GPR149: variants seen among roughly 807,000 people sequenced by gnomAD.
The protein encoded by GPR149 is G protein-coupled receptor 149.
GPR149 carries 50 observed loss-of-function variants against 50.2 expected under a neutral mutation model. The ratio of observed to expected loss-of-function variants is 1.00; its 90% confidence interval spans 0.79 to 1.26. The LOEUF (loss-of-function observed/expected upper bound fraction) is 1.26, where lower values mean the gene tolerates loss of function less well. Among genes scored for constraint, GPR149 ranks in the 50% most tolerant of loss-of-function variants. GPR149 has a pLI of 0.00. For missense variants in GPR149, 983 were observed against 895.4 expected (o/e 1.10, Z -1.25); for synonymous variants, 405 against 358.2 (o/e 1.13, Z -1.48).
chr3:154,350,055 G>A (rs1467058344), intron 3 of GPR149, among the ~76,000 whole-genome samples: 2 of 152,078 alleles, frequency 1.3e-5, no homozygotes, highest in African/African-American at 4.8e-5. Flanking sequence ...AATTTAGCTA[G>A]GCATGGTGGT....
At chr3:154,394,502 T>C (rs1715245598) in intron 3 of GPR149, among the ~76,000 whole-genome samples, 1 of 151,988 alleles carries the variant, frequency 6.6e-6, no homozygotes, top group Admixed American at 6.6e-5. Flanking sequence ...ATGGATGTAA[T>C]GCCAAAAGCA....
intron 3 of GPR149, 136 bp from the exon 4 acceptor site, chr3:154,338,407 G>A (rs1057374790): frequency 2.1e-5 from 15 of 714,740 alleles, no homozygotes; most frequent in Middle Eastern, 2.8e-4. Flanking sequence ...TTACAGATAC[G>A]GGATTTAAAT....
chr3:154,338,586 A>T (rs1353658222), intron 3 of GPR149, among the ~76,000 whole-genome samples: 2 of 152,226 alleles, frequency 1.3e-5, no homozygotes, highest in Admixed American at 1.3e-4. Context: ...TTTGAACATA[A>T]AATTGAATGC....
At chr3:154,383,677 C>A (rs1714981420) in intron 3 of GPR149, among the ~76,000 whole-genome samples, 1 of 152,054 alleles carries the variant, frequency 6.6e-6, no homozygotes, top group Non-Finnish European at 1.5e-5. Context: ...GTACTATAGT[C>A]ATTCCTTGAT....
At chr3:154,353,400 T>C in intron 3 of GPR149, 1 of 1,223,952 alleles carries the variant, frequency 8.2e-7, no homozygotes, top group Non-Finnish European at 1.2e-6. Flanking sequence ...TTCAGTTTTG[T>C]AGGATTTGTG....
At chr3:154,417,905 A>G (rs970885406) in intron 3 of GPR149, among the ~76,000 whole-genome samples, 1 of 152,154 alleles carries the variant, frequency 6.6e-6, no homozygotes, top group Non-Finnish European at 1.5e-5. Flanking sequence ...TTAAATTACA[A>G]TGTGAACATT....
intron 1 of GPR149, 58 bp from the exon 2 acceptor site, chr3:154,427,766 C>A: frequency 6.7e-7 from 1 of 1,483,138 alleles, no homozygotes; most frequent in Non-Finnish European, 9.1e-7. Context: ...ACTTCTCAAG[C>A]CTTTTCTCCA....
intron 3 of GPR149, among the ~76,000 whole-genome samples, chr3:154,341,325 A>ATC: frequency 1.1e-5 from 1 of 94,130 alleles, no homozygotes; most frequent in African/African-American, 3.7e-5. Context: ...ATATATATAT[A>ATC]TATATATATA....
In GPR149 at chr3:154,357,186, A is replaced by G. The variant is rs772736333; in HGVS notation, c.1624-18915T>C. Among the ~76,000 whole-genome samples, 594 of 152,256 alleles carry G rather than the reference A, an allele frequency of 3.9e-3. 2 individuals carry two copies. The highest frequency in any genetic ancestry group is 0.017 in the Middle Eastern group (5 of 292). On this transcript the variant is annotated intron_variant, in intron 3 of 3. Coordinates refer to ENST00000389740, the MANE Select transcript of GPR149 (RefSeq NM_001038705.3). ...CACCTTATACAAAAATTAATTCAAG[A>G]TGGATTAAAGACTTAAATGTTAGAC...
intron 3 of GPR149, among the ~76,000 whole-genome samples, chr3:154,414,002 C>T (rs111639716): frequency 6.6e-6 from 1 of 151,484 alleles, no homozygotes; most frequent in Non-Finnish European, 1.5e-5. Flanking sequence ...AAAATAATGG[C>T]ATTCACAGCA....
intron 1 of GPR149, 112 bp downstream of exon 1, chr3:154,428,523 G>A (rs980536641): frequency 1.6e-5 from 19 of 1,182,562 alleles, no homozygotes; most frequent in African/African-American, 1.4e-4. Flanking sequence ...ACTTGGAAGC[G>A]GACTTCACTG....
chr3:154,386,055 T>C (rs1715038929), intron 3 of GPR149, among the ~76,000 whole-genome samples: 1 of 152,190 alleles, frequency 6.6e-6, no homozygotes, highest in South Asian at 2.1e-4. Context: ...GTGACAAATA[T>C]TAGTTGAATG....
At chr3:154,346,260 A>T (rs1226883628) in intron 3 of GPR149, among the ~76,000 whole-genome samples, 1 of 152,232 alleles carries the variant, frequency 6.6e-6, no homozygotes, top group Non-Finnish European at 1.5e-5. Flanking sequence ...AATAGCACTA[A>T]GAACAAGAAC....
In GPR149 at chr3:154,336,427, T is replaced by C. The variant is rs1002056800; in HGVS notation, c.*1272A>G. On this transcript the variant is annotated 3_prime_UTR_variant, in exon 4 of 4. Coordinates refer to ENST00000389740, the MANE Select transcript of GPR149 (RefSeq NM_001038705.3). ...GTGAGGGGCACAAAGTCTAAGACTATGTAAAGTGTCAACTCAGTAACTTTG... is the reference window on the plus strand; with the variant it reads ...GTGAGGGGCACAAAGTCTAAGACTACGTAAAGTGTCAACTCAGTAACTTTG... 1 of 152,124 alleles carries C rather than the reference T, an allele frequency of 6.6e-6. No individual in the cohort carries two copies. Among genetic ancestry groups the C allele is most frequent in the African/African-American group, 2.4e-5 (1 of 41,466 alleles). The allele number at this position is 152,124 out of a possible 1,614,324, so 9.4% of individuals were successfully genotyped here. A position where few individuals can be genotyped will look rare whatever the true frequency, so the allele number is the denominator to read the frequency against.
intron 3 of GPR149, among the ~76,000 whole-genome samples, chr3:154,357,229 C>T (rs1453352345): frequency 6.6e-6 from 1 of 152,072 alleles, no homozygotes; most frequent in Non-Finnish European, 1.5e-5. Flanking sequence ...CATAAAAACC[C>T]TAGAAGAAAA....
chr3:154,414,704 T>C (rs899915579), intron 3 of GPR149, among the ~76,000 whole-genome samples: 5 of 151,990 alleles, frequency 3.3e-5, no homozygotes, highest in African/African-American at 1.2e-4. Context: ...AAGACGAACA[T>C]CACTTTTGTG....
At chr3:154,357,374 C>T (rs1056850992) in intron 3 of GPR149, among the ~76,000 whole-genome samples, 13 of 151,988 alleles carry the variant, frequency 8.6e-5, no homozygotes, top group African/African-American at 2.7e-4. Flanking sequence ...GCAAAAGAAA[C>T]TACCATCAGA....
intron 3 of GPR149, among the ~76,000 whole-genome samples, chr3:154,399,328 A>C (rs1451545536): frequency 6.6e-6 from 1 of 152,220 alleles, no homozygotes; most frequent in Non-Finnish European, 1.5e-5. Context: ...TTTGTAAAAA[A>C]TACTGCAACT....
intron 3 of GPR149, among the ~76,000 whole-genome samples, chr3:154,375,199 C>T (rs956195394): frequency 3.9e-5 from 6 of 152,186 alleles, no homozygotes; most frequent in African/African-American, 1.4e-4. Flanking sequence ...AAATAGGAAA[C>T]ATTACCTTCA....
Sources: allele counts gnomAD v4.1 joint callset (sites outside exome capture counted in the v4.1 genomes callset), GRCh38; gene constraint gnomAD v4.1.1; transcripts MANE v1.5; gene names NCBI Gene and HGNC (gene_info 2026-07-23, HGNC 2026-07-21).